Variants in ROBO1 observed in about 807,000 individuals in gnomAD.
ROBO1 encodes the protein roundabout guidance receptor 1, also known as roundabout homolog 1.
A neutral mutation model predicts 195.9 loss-of-function variants in ROBO1; 149 were observed. That is an observed-to-expected ratio of 0.76 (90% CI 0.67 to 0.87). The LOEUF (loss-of-function observed/expected upper bound fraction) is 0.87. ROBO1 is among the 40% of genes least tolerant of loss of function. The pLI, the probability that ROBO1 is intolerant of heterozygous loss-of-function variation, is 0.00. For synonymous variants in ROBO1, 816 were observed against 733.2 expected (o/e 1.11, Z -1.82); for missense variants, 1,933 against 2,068.3 (o/e 0.93, Z 1.27).
intron 22 of ROBO1, 37 bp from the exon 23 acceptor site, chr3:78,636,145 T>C (rs747381734): frequency 1.4e-6 from 2 of 1,441,200 alleles, no homozygotes; most frequent in Non-Finnish European, 1.9e-6. Flanking sequence ...AAAATCATTC[T>C]GCGTGGTTAT....
At chr3:79,577,759 C>CACAA (rs1491422878) in intron 2 of ROBO1, among the ~76,000 whole-genome samples, 14 of 144,580 alleles carry the variant, frequency 9.7e-5, no homozygotes, top group Admixed American at 2.7e-4. Context: ...CACACACACA[C>CACAA]AAAATTGCTG....
At chr3:78,698,009 C>T (rs1051551020) in intron 8 of ROBO1, among the ~76,000 whole-genome samples, 2 of 151,988 alleles carry the variant, frequency 1.3e-5, no homozygotes, top group African/African-American at 4.8e-5. Flanking sequence ...CTGCTAGTAG[C>T]TAAATTCTAA....
At chr3:79,419,531 C>T (rs2038140173) in intron 2 of ROBO1, among the ~76,000 whole-genome samples, 3 of 152,226 alleles carry the variant, frequency 2.0e-5, no homozygotes, top group Non-Finnish European at 1.5e-5. Flanking sequence ...GATCGCTCCC[C>T]GTTCTTCCTG....
chr3:78,714,381 C>A lies in ROBO1; in HGVS notation c.1045+16G>T. 6.2e-7 allele frequency: 1 copy of A among 1,602,820 alleles called. No homozygotes were observed. On this transcript the variant is annotated intron_variant, in intron 8 of 30. Coordinates refer to ENST00000464233, the MANE Select transcript of ROBO1 (RefSeq NM_002941.4). ...TATGCTAAAACCACCAAAACAAAGCCTTTCCCAATGCCTACCTTGAACAGT... is the reference window on the plus strand; with the variant it reads ...TATGCTAAAACCACCAAAACAAAGCATTTCCCAATGCCTACCTTGAACAGT...
intron 1 of ROBO1, among the ~76,000 whole-genome samples, chr3:79,767,539 C>G (rs1263285602): frequency 4.6e-5 from 7 of 152,306 alleles, no homozygotes; most frequent in African/African-American, 1.7e-4. Flanking sequence ...GAATCCCTCC[C>G]GATCGCAAGG....
chr3:78,918,135 G>T (rs943511179), intron 4 of ROBO1, among the ~76,000 whole-genome samples: 29 of 152,116 alleles, frequency 1.9e-4, no homozygotes, highest in African/African-American at 7.0e-4. Context: ...GTGAATAGTA[G>T]ATTTTTAATC....
At chr3:79,284,128 G>A (rs139553387) in intron 2 of ROBO1, among the ~76,000 whole-genome samples, 202 of 151,690 alleles carry the variant, frequency 1.3e-3, no homozygotes, top group Non-Finnish European at 2.4e-3. Context: ...GTCATATCAG[G>A]AATAAATGTT....
intron 1 of ROBO1, among the ~76,000 whole-genome samples, chr3:79,636,073 A>G (rs1458455233): frequency 1.3e-5 from 2 of 152,124 alleles, no homozygotes; most frequent in East Asian, 3.9e-4. Flanking sequence ...ACTAATTTAG[A>G]AATGGAGATC....
intron 1 of ROBO1, among the ~76,000 whole-genome samples, chr3:79,596,031 T>C (rs1234064912): frequency 6.6e-6 from 1 of 151,984 alleles, no homozygotes; most frequent in African/African-American, 2.4e-5. Flanking sequence ...TTCTTCCTCT[T>C]TACATATGAG....
chr3:78,864,460 ATTT>A (rs2035040711), intron 4 of ROBO1, among the ~76,000 whole-genome samples: 1 of 150,778 alleles, frequency 6.6e-6, no homozygotes, highest in South Asian at 2.1e-4. Flanking sequence ...ATGCAAATAT[ATTT>A]TTCAGACACA....
chr3:78,733,165 T>G (rs1260427686), intron 5 of ROBO1, among the ~76,000 whole-genome samples: 2 of 152,100 alleles, frequency 1.3e-5, no homozygotes, highest in Non-Finnish European at 2.9e-5. Context: ...TGAGAGACAA[T>G]ATTTAAATAA....
At chr3:79,074,514 G>A (rs1394029290) in intron 3 of ROBO1, among the ~76,000 whole-genome samples, 1 of 151,666 alleles carries the variant, frequency 6.6e-6, no homozygotes, top group African/African-American at 2.4e-5. Context: ...GACCTCCTGG[G>A]CTTAAGTGAT....
intron 2 of ROBO1, among the ~76,000 whole-genome samples, chr3:79,318,929 T>G (rs940272483): frequency 1.6e-4 from 25 of 152,226 alleles, no homozygotes; most frequent in African/African-American, 1.7e-4. Flanking sequence ...GAATTTGAAT[T>G]ATATGCAAAC....
intron 3 of ROBO1, among the ~76,000 whole-genome samples, chr3:79,032,779 C>T (rs1380875651): frequency 2.0e-5 from 3 of 152,002 alleles, no homozygotes; most frequent in African/African-American, 7.2e-5. Context: ...CATACACATC[C>T]TATTGAAATA....
chr3:79,159,917 G>C (rs942983227), intron 2 of ROBO1, among the ~76,000 whole-genome samples: 2 of 151,990 alleles, frequency 1.3e-5, no homozygotes, highest in Admixed American at 6.6e-5. Context: ...ACTGCTTCTT[G>C]TTGTACTTGA....
intron 3 of ROBO1, among the ~76,000 whole-genome samples, chr3:79,038,342 G>C (rs1304653654): frequency 6.6e-6 from 1 of 152,138 alleles, no homozygotes; most frequent in Non-Finnish European, 1.5e-5. Flanking sequence ...CCTCCCTACA[G>C]TTATTGCAGA....
intron 7 of ROBO1, among the ~76,000 whole-genome samples, chr3:78,715,923 T>A (rs778895788): frequency 6.6e-6 from 1 of 152,206 alleles, no homozygotes; most frequent in South Asian, 2.1e-4. Flanking sequence ...AATTCTTTAT[T>A]ACACAAAGCC....
chr3:78,926,148 C>T (rs776256014), intron 4 of ROBO1, among the ~76,000 whole-genome samples: 1 of 152,052 alleles, frequency 6.6e-6, no homozygotes, highest in Non-Finnish European at 1.5e-5. Flanking sequence ...GGATTATAGG[C>T]GTGAGCCACC....
chr3:79,618,591 C>A (rs1437865977), intron 1 of ROBO1, among the ~76,000 whole-genome samples: 1 of 152,128 alleles, frequency 6.6e-6, no homozygotes, highest in Non-Finnish European at 1.5e-5. Context: ...TACCCAAATC[C>A]TATAAAACTG....
Sources: allele counts gnomAD v4.1 joint callset (sites outside exome capture counted in the v4.1 genomes callset), GRCh38; gene constraint gnomAD v4.1.1; transcripts MANE v1.5; gene names NCBI Gene and HGNC (gene_info 2026-07-23, HGNC 2026-07-21).